The following KCNQ3 variants were observed in gnomAD, a reference collection of about 807,000 sequenced individuals.
The protein encoded by KCNQ3 is potassium voltage-gated channel subfamily Q member 3.
Under a neutral mutation model 92.5 loss-of-function variants are expected in KCNQ3, and 30 were observed. The ratio of observed to expected loss-of-function variants is 0.32; its 90% CI spans 0.24 to 0.44. KCNQ3 has a LOEUF of 0.44. Ranked by LOEUF, KCNQ3 falls within the 20% of genes least tolerant of loss-of-function variation. KCNQ3 has a pLI of 1.00. For missense variants in KCNQ3, 913 were observed against 1,140.3 expected (o/e 0.80, Z 2.87); for synonymous variants, 450 against 468.8 (o/e 0.96, Z 0.52).
chr8:132,188,888 A>G (rs1159944714), intron 1 of KCNQ3, among the ~76,000 whole-genome samples: 1 of 152,232 alleles, frequency 6.6e-6, no homozygotes, highest in African/African-American at 2.4e-5. Context: ...CATATGTCCA[A>G]GTTTATCCAG....
intron 1 of KCNQ3, among the ~76,000 whole-genome samples, chr8:132,445,328 G>A (rs1446889192): frequency 1.3e-5 from 2 of 152,140 alleles, no homozygotes; most frequent in Admixed American, 1.3e-4. Flanking sequence ...TGAGGAGGAG[G>A]AAAGGCAAGG....
At chr8:132,187,614 G>T (rs1409392780) in intron 1 of KCNQ3, among the ~76,000 whole-genome samples, 1 of 152,108 alleles carries the variant, frequency 6.6e-6, no homozygotes, top group Admixed American at 6.5e-5. Context: ...CTTCTCAGTT[G>T]ACGATGATGA....
intron 1 of KCNQ3, among the ~76,000 whole-genome samples, chr8:132,343,212 C>T (rs960333462): frequency 1.3e-5 from 2 of 152,232 alleles, no homozygotes; most frequent in South Asian, 4.1e-4. Flanking sequence ...TTCATCCATG[C>T]ACTCACCATG....
rs1479313241 is a variant in KCNQ3 at position 132,124,632 on chromosome 8, C to G, written c.*4630G>C. ...GGCTGCCTGCTGGCTTGTTTAGGGG[C>G]CAGTTGGCTCAGTTTGGAATGGTTT... is the stretch of plus-strand genomic sequence containing the variant. On this transcript the variant is annotated 3_prime_UTR_variant, in exon 15 of 15. Transcript: ENST00000388996. 1 of 152,214 alleles carries G rather than the reference C, an allele frequency of 6.6e-6. No individual in the cohort carries two copies. Among genetic ancestry groups the G allele is most frequent in the Admixed American group, 6.5e-5 (1 of 15,288 alleles). The allele number at this position is 152,214 out of a possible 1,614,324, so 9.4% of individuals were successfully genotyped here. A position where few individuals can be genotyped will look rare whatever the true frequency, so the allele number is the denominator to read the frequency against.
intron 1 of KCNQ3, among the ~76,000 whole-genome samples, chr8:132,232,836 T>G (rs1814685946): frequency 6.6e-6 from 1 of 152,214 alleles, no homozygotes. Context: ...CAATGAAATG[T>G]GCTAGGAAGT....
At chr8:132,367,701 C>T (rs1819363107) in intron 1 of KCNQ3, among the ~76,000 whole-genome samples, 2 of 152,226 alleles carry the variant, frequency 1.3e-5, no homozygotes, top group Non-Finnish European at 2.9e-5. Flanking sequence ...CTGAGTTTCA[C>T]AAGTCCTTCT....
chr8:132,311,494 T>C lies in KCNQ3; in HGVS notation c.387-125313A>G, dbSNP rs185676357. On this transcript the variant is annotated intron_variant, in intron 1 of 14. Transcript: ENST00000388996. ...TTAGCAGCTCCCTGTCCTGTGTCCTTCCACTTCTCATTAAAATGCCACCAA... is the reference window on the plus strand; with the variant it reads ...TTAGCAGCTCCCTGTCCTGTGTCCTCCCACTTCTCATTAAAATGCCACCAA... Among the ~76,000 whole-genome samples the C allele has an allele frequency of 4.6e-5, 7 of 152,286 alleles. No individual in the cohort carries two copies. In the East Asian group the frequency reaches 1.2e-3, roughly 25 times the overall value.
At chr8:132,389,844 C>T (rs1563891300) in intron 1 of KCNQ3, among the ~76,000 whole-genome samples, 1 of 152,180 alleles carries the variant, frequency 6.6e-6, no homozygotes, top group Non-Finnish European at 1.5e-5. Flanking sequence ...ATGCTACACC[C>T]TCTCAGGAAA....
intron 1 of KCNQ3, among the ~76,000 whole-genome samples, chr8:132,197,137 T>G (rs1827322629): frequency 6.6e-6 from 1 of 152,158 alleles, no homozygotes; most frequent in Non-Finnish European, 1.5e-5. Flanking sequence ...CACTGTCCCT[T>G]GCCCCATTGA....
At chr8:132,286,808 T>A (rs192698805) in intron 1 of KCNQ3, among the ~76,000 whole-genome samples, 18 of 152,366 alleles carry the variant, frequency 1.2e-4, no homozygotes, top group African/African-American at 4.3e-4. Context: ...GATGAATTAA[T>A]GGCTTTTTCA....
chr8:132,415,638 C>A (rs1489826446), intron 1 of KCNQ3, among the ~76,000 whole-genome samples: 1 of 152,136 alleles, frequency 6.6e-6, no homozygotes, highest in Non-Finnish European at 1.5e-5. Context: ...GTCTCAAGAG[C>A]AGCCCCAGGC....
chr8:132,185,888 T>C (rs185205527), intron 2 of KCNQ3, among the ~76,000 whole-genome samples: 42 of 152,358 alleles, frequency 2.8e-4, no homozygotes, highest in African/African-American at 9.9e-4. Flanking sequence ...AGCAAAGCTT[T>C]ACCAGGAATG....
chr8:132,238,034 G>A (rs1343942094), intron 1 of KCNQ3, among the ~76,000 whole-genome samples: 1 of 152,168 alleles, frequency 6.6e-6, no homozygotes, highest in Admixed American at 6.5e-5. Flanking sequence ...GTAAAGCACA[G>A]ATAAGACAGC....
chr8:132,215,738 C>A (rs1446338799), intron 1 of KCNQ3, among the ~76,000 whole-genome samples: 1 of 152,176 alleles, frequency 6.6e-6, no homozygotes, highest in Non-Finnish European at 1.5e-5. Context: ...TGGGCTTAGC[C>A]CATGACTGAT....
chr8:132,324,025 C>T (rs1817970597), intron 1 of KCNQ3, among the ~76,000 whole-genome samples: 2 of 152,188 alleles, frequency 1.3e-5, no homozygotes, highest in South Asian at 2.1e-4. Context: ...TTCCACACTG[C>T]TTACGGTTTC....
intron 1 of KCNQ3, among the ~76,000 whole-genome samples, chr8:132,191,890 G>T (rs1389701553): frequency 6.6e-6 from 1 of 152,100 alleles, no homozygotes; most frequent in Non-Finnish European, 1.5e-5. Flanking sequence ...GGGGTGGGAA[G>T]AAAGTGGATA....
intron 1 of KCNQ3, among the ~76,000 whole-genome samples, chr8:132,352,365 A>G (rs147680183): frequency 6.6e-6 from 1 of 152,272 alleles, no homozygotes; most frequent in East Asian, 1.9e-4. Context: ...TCTAGTGTGC[A>G]AGGATGCTGC....
Position 132,187,054 on chromosome 8 carries a change from C to T in KCNQ3, c.387-873G>A, listed in dbSNP as rs182597743. On this transcript the variant is annotated intron_variant, in intron 1 of 14. Transcript: ENST00000388996. ...ATGGTTCTCCCTCTTGGTGGAGAGT[C>T]TTTGGCTTAGTTGTCAGTACCAGGT... 1,156 of 390,376 alleles carry T rather than the reference C, an allele frequency of 3.0e-3. 10 individuals are homozygous for T. Among genetic ancestry groups the T allele is most frequent in the African/African-American group, 0.023 (1,083 of 47,130 alleles). The allele number at this position is 390,376 out of a possible 1,614,324, so 24.2% of individuals were successfully genotyped here.
intron 1 of KCNQ3, among the ~76,000 whole-genome samples, chr8:132,242,687 C>T (rs1005644914): frequency 6.6e-6 from 1 of 152,148 alleles, no homozygotes; most frequent in African/African-American, 2.4e-5. Context: ...TAGGACAATG[C>T]CAGGCACATA....
Sources: allele counts gnomAD v4.1 joint callset (sites outside exome capture counted in the v4.1 genomes callset), GRCh38; gene constraint gnomAD v4.1.1; transcripts MANE v1.5; gene names NCBI Gene and HGNC (gene_info 2026-07-23, HGNC 2026-07-21).